Variants in FBXO17 observed in about 807,000 individuals in gnomAD.
The protein encoded by FBXO17 is F-box protein 17.
Under a neutral mutation model 34.1 loss-of-function variants are expected in FBXO17, and 43 were observed. That is an observed-to-expected ratio of 1.26 (90% CI 0.99 to 1.62). The LOEUF is 1.62. Among genes scored for constraint, FBXO17 ranks in the 40% most tolerant of loss-of-function variants. FBXO17 has a pLI of 0.00. For synonymous variants in FBXO17, 169 were observed against 166.0 expected (o/e 1.02, Z -0.14); for missense variants, 424 against 386.7 (o/e 1.10, Z -0.81).
At chr19:38,948,768 C>A (rs1975026620) in intron 2 of FBXO17, 90 bp from the exon 3 acceptor site, 1 of 1,064,152 alleles carries the variant, frequency 9.4e-7, no homozygotes, top group Non-Finnish European at 1.4e-6. Context: ...TGTCCACCAG[C>A]CTCTCCCTCT....
rs1488517510 is a variant in FBXO17, at chr19:38,975,628, C to T, written c.-60G>A. Reference sequence around the variant, plus strand: ...GGCGGCAGCGGCGGGCTAAGCTTCCCTTTCCCACTTTGTTCTGGGAGGCAG... The same window carrying T: ...GGCGGCAGCGGCGGGCTAAGCTTCCTTTTCCCACTTTGTTCTGGGAGGCAG... On this transcript the variant is annotated 5_prime_UTR_variant, in exon 1 of 6. Transcript: ENST00000292852. The surrounding 1 kb of genome is among the most constrained non-coding windows in gnomAD (Gnocchi z 4.9). The T allele has an allele frequency of 6.6e-6, 1 of 152,478 alleles. No homozygotes were observed. The highest frequency in any genetic ancestry group is 1.5e-5 in the Non-Finnish European group (1 of 68,286). The allele number at this position is 152,478 out of a possible 1,614,324, so 9.4% of individuals were successfully genotyped here. A position where few individuals can be genotyped will look rare whatever the true frequency, so the allele number is the denominator to read the frequency against.
intron 3 of FBXO17, chr19:38,947,219 A>G (rs1974998163): frequency 6.6e-6 from 1 of 152,616 alleles, no homozygotes; most frequent in South Asian, 2.1e-4. Context: ...CTCAAACTAG[A>G]ATGTGCCATA....
intron 1 of FBXO17, among the ~76,000 whole-genome samples, chr19:38,953,659 TCAAAA>T (rs1281880246): frequency 6.6e-6 from 1 of 152,030 alleles, no homozygotes. Flanking sequence ...AGACCCTGTC[TCAAAA>T]CAAAACAAAA....
At position 38,949,970 on chromosome 19, in the gene FBXO17, C is replaced by T. The variant is rs1185741367; in HGVS notation, c.349+1G>A. 4 of 1,534,142 alleles carry T rather than the reference C, an allele frequency of 2.6e-6. No homozygotes were observed. Among genetic ancestry groups the T allele is most frequent in the Middle Eastern group, 1.7e-4 (1 of 5,948 alleles). Reference sequence around the variant, plus strand: ...TCCTGGGCCCCGCCCCCGTCACCCACGCTCTCCGCAGGAGTTGAAGATGAG... The same window carrying T: ...TCCTGGGCCCCGCCCCCGTCACCCATGCTCTCCGCAGGAGTTGAAGATGAG... On this transcript the variant is annotated splice_donor_variant, in intron 2 of 5. Coordinates refer to ENST00000292852, the MANE Select transcript of FBXO17 (RefSeq NM_024907.7). LOFTEE classifies it high-confidence loss of function.
chr19:38,963,820 A>G (rs919969590), intron 1 of FBXO17, among the ~76,000 whole-genome samples: 5 of 150,286 alleles, frequency 3.3e-5, no homozygotes, highest in Admixed American at 6.7e-5. Context: ...GTCTTGTTCT[A>G]TCACCAAGGC....
intron 3 of FBXO17, chr19:38,947,249 A>G (rs1974998556): frequency 6.6e-6 from 1 of 152,346 alleles, no homozygotes; most frequent in African/African-American, 2.4e-5. Context: ...ATTGTGCAGT[A>G]TTGGTGGAAG....
chr19:38,975,583 C>G lies in FBXO17; in HGVS notation c.-18+3G>C, dbSNP rs1192329426. The G allele has an allele frequency of 6.6e-6, 1 of 152,354 alleles. No homozygotes were observed. Among genetic ancestry groups the G allele is most frequent in the Admixed American group, 6.5e-5 (1 of 15,290 alleles). The allele number at this position is 152,354 out of a possible 1,614,324, so 9.4% of individuals were successfully genotyped here. ...TGGGTCCCCTACCTGTCCCGGCGCT[C>G]ACCTGGCGGGCTGCTCGGAGGCGGC... is the stretch of plus-strand genomic sequence containing the variant. On this transcript the variant is annotated splice_donor_region_variant and intron_variant, in intron 1 of 5. Transcript: ENST00000292852. This position sits in a 1 kb window ranked among gnomAD's most constrained non-coding sequence, Gnocchi z 4.9.
intron 4 of FBXO17, chr19:38,946,261 G>T: frequency 1.3e-6 from 1 of 784,426 alleles, no homozygotes; most frequent in Non-Finnish European, 2.0e-6. Context: ...CTGCTGGGAT[G>T]AGGGTGGGCA....
Position 38,950,349 on chromosome 19 carries a change from A to AG in FBXO17, c.-17-14dup. 7.1e-7 allele frequency: 1 copy of AG among 1,401,394 alleles called. No individual in the cohort carries two copies. The highest frequency in any genetic ancestry group is 1.6e-5 in the South Asian group (1 of 63,378). The allele number at this position is 1,401,394 out of a possible 1,614,324, so 86.8% of individuals were successfully genotyped here. A position where few individuals can be genotyped will look rare whatever the true frequency, so the allele number is the denominator to read the frequency against. ...AGTAGCCAGAGTCCTGCAGGTCGAG[A>AG]GGGGTCGGTAGGCGGGTCAGCGCAG... On this transcript the variant is annotated splice_polypyrimidine_tract_variant and intron_variant, in intron 1 of 5. Transcript: ENST00000292852.
At chr19:38,954,893 ATTTTATTAT>A (rs1317841038) in intron 1 of FBXO17, among the ~76,000 whole-genome samples, 13 of 94,408 alleles carry the variant, frequency 1.4e-4, no homozygotes, top group African/African-American at 5.7e-4. Flanking sequence ...ACAATGTGTT[ATTTTATTAT>A]TATTATTATT....
intron 1 of FBXO17, among the ~76,000 whole-genome samples, chr19:38,972,144 A>C (rs747331062): frequency 1.3e-5 from 2 of 152,222 alleles, no homozygotes; most frequent in Non-Finnish European, 2.9e-5. Flanking sequence ...TGAATGGGGC[A>C]GCCTCCATTT....
At chr19:38,970,588 T>C (rs10425811) in intron 1 of FBXO17, among the ~76,000 whole-genome samples, 5,517 of 152,226 alleles carry the variant, frequency 0.036, 310 homozygotes, top group African/African-American at 0.12. Context: ...ACAATCTACA[T>C]GTTCAAAAGC....
intron 1 of FBXO17, among the ~76,000 whole-genome samples, chr19:38,955,487 T>TC (rs111564808): frequency 0.01 from 1,406 of 139,462 alleles, 24 homozygotes; most frequent in African/African-American, 0.035. Context: ...TTTCTTTCTT[T>TC]TTTTTTTTTT....
rs546197442 is a variant in FBXO17, at chr19:38,968,336, C to T, written c.-18+7250G>A. Among the ~76,000 whole-genome samples the T allele has an allele frequency of 4.1e-3, 609 of 149,778 alleles. 5 individuals are homozygous for T. The highest frequency in any genetic ancestry group is 0.015 in the African/African-American group (593 of 40,648). On this transcript the variant is annotated intron_variant, in intron 1 of 5. Transcript: ENST00000292852. ...TCTGTCTCCAAAAAAAAAAGTTGAA[C>T]ATGGCTGGGTGCAGTGGCTCATGCC...
In FBXO17 at chr19:38,956,247, T is replaced by C. The variant is rs551608460; in HGVS notation, c.-17-5911A>G. ...TGCCTCTGCACTCCAGCCTGGGCGATAGACTGAGACTCTGTCTCAAAAAAA... is the reference window on the plus strand; with the variant it reads ...TGCCTCTGCACTCCAGCCTGGGCGACAGACTGAGACTCTGTCTCAAAAAAA... On this transcript the variant is annotated intron_variant, in intron 1 of 5. Coordinates refer to ENST00000292852, the MANE Select transcript of FBXO17 (RefSeq NM_024907.7). 6.2e-5 allele frequency among the ~76,000 whole-genome samples: 9 copies of C among 145,686 alleles called. No individual in the cohort carries two copies. The South Asian group carries it at 9.0e-4, about 15-fold the overall frequency.
In FBXO17 at chr19:38,942,742, C is replaced by T. The variant is rs760219167; in HGVS notation, c.703G>A (p.Val235Ile). Residue 235 changes from valine (V) to isoleucine (I), a missense_variant, in exon 6 of 6, where the codon GTC (valine) becomes ATC (isoleucine). Val to Ile is a conservative substitution (Grantham distance 29). Transcript: ENST00000292852. ...TERGCRQVSH[V>I]FTNFGKGIRY... ...ATGCCCTTGCCAAAGTTGGTGAAGA[C>T]GTGGGAGACCTGCAGGGGGAAGGGG... The T allele has an allele frequency of 6.2e-5, 100 of 1,604,892 alleles. No homozygotes were observed. Among genetic ancestry groups the T allele is most frequent in the East Asian group, 2.3e-4 (10 of 43,896 alleles).
At chr19:38,970,671 T>C (rs1356750747) in intron 1 of FBXO17, among the ~76,000 whole-genome samples, 1 of 152,166 alleles carries the variant, frequency 6.6e-6, no homozygotes, top group Non-Finnish European at 1.5e-5. Context: ...AGGTTTTGTA[T>C]AGTCTTTAGT....
At chr19:38,972,615 A>T (rs1033851424) in intron 1 of FBXO17, among the ~76,000 whole-genome samples, 1 of 151,170 alleles carries the variant, frequency 6.6e-6, no homozygotes, top group Admixed American at 6.6e-5. Flanking sequence ...GTGCTACTGT[A>T]TACATGTCTT....
At chr19:38,968,859 G>T (rs1975354208) in intron 1 of FBXO17, among the ~76,000 whole-genome samples, 1 of 152,134 alleles carries the variant, frequency 6.6e-6, no homozygotes, top group Non-Finnish European at 1.5e-5. Flanking sequence ...TTTTTGATCA[G>T]AAAGTAGATT....
Sources: allele counts gnomAD v4.1 joint callset (sites outside exome capture counted in the v4.1 genomes callset), GRCh38; gene constraint gnomAD v4.1.1; non-coding constraint Gnocchi (gnomAD v3.1); transcripts MANE v1.5; gene names NCBI Gene and HGNC (gene_info 2026-07-23, HGNC 2026-07-21).